SLC1A2: variants seen among roughly 807,000 people sequenced by gnomAD.
SLC1A2 encodes excitatory amino acid transporter 2.
A neutral mutation model predicts 48.8 loss-of-function variants in SLC1A2; 15 were observed. The ratio of observed to expected loss-of-function variants is 0.31; its 90% CI spans 0.21 to 0.47. SLC1A2 has a LOEUF of 0.47. Ranked by LOEUF, SLC1A2 falls within the 20% of genes least tolerant of loss-of-function variation. The pLI, the probability that SLC1A2 is intolerant of heterozygous loss-of-function variation, is 0.99. For missense variants in SLC1A2, 502 were observed against 730.5 expected, an observed-to-expected ratio of 0.69 and a Z score of 3.61; for synonymous variants, 279 against 272.6, an observed-to-expected ratio of 1.02 and a Z score of -0.23.
chr11:35,321,475 A>G (rs1852066241), intron 1 of SLC1A2, among the ~76,000 whole-genome samples: 1 of 152,146 alleles, frequency 6.6e-6, no homozygotes, highest in Non-Finnish European at 1.5e-5. Flanking sequence ...TAAATGGAAC[A>G]TACACAATTT....
rs935276395 is a variant in SLC1A2 at position 35,259,781 on chromosome 11, A to G, written c.*1113T>C. Reference sequence around the variant, plus strand: ...CCTATAACTGGTTTTATGTGCTTTGATAGAAGATAACAAAACGCTTTCAAC... The same window carrying G: ...CCTATAACTGGTTTTATGTGCTTTGGTAGAAGATAACAAAACGCTTTCAAC... On this transcript the variant is annotated 3_prime_UTR_variant, in exon 11 of 11. Transcript: ENST00000278379. 1 of 152,192 alleles carries G rather than the reference A, an allele frequency of 6.6e-6. No homozygotes were observed. The highest frequency in any genetic ancestry group is 1.5e-5 in the Non-Finnish European group (1 of 68,034). The allele number at this position is 152,192 out of a possible 1,614,324, so 9.4% of individuals were successfully genotyped here.
chr11:35,284,900 A>G (rs1850762016), intron 8 of SLC1A2, among the ~76,000 whole-genome samples: 1 of 152,210 alleles, frequency 6.6e-6, no homozygotes, highest in Non-Finnish European at 1.5e-5. Flanking sequence ...CATCAGACCC[A>G]AATGAACACT....
chr11:35,312,593 C>T lies in SLC1A2; in HGVS notation c.311-145G>A. ...CCTACTGTAGTCTTCCCTCAATATCCATGAGAGGGTTGGTTCTGGGACTCC... is the reference window on the plus strand; with the variant it reads ...CCTACTGTAGTCTTCCCTCAATATCTATGAGAGGGTTGGTTCTGGGACTCC... On this transcript the variant is annotated intron_variant, in intron 3 of 10. Coordinates refer to ENST00000278379, the MANE Select transcript of SLC1A2 (RefSeq NM_004171.4). The T allele has an allele frequency of 3.0e-6, 3 of 992,016 alleles. 1 individual carries two copies. Among genetic ancestry groups the T allele is most frequent in the Middle Eastern group, 6.6e-4 (2 of 3,032 alleles). The allele number at this position is 992,016 out of a possible 1,614,324, so 61.5% of individuals were successfully genotyped here.
At chr11:35,392,566 C>G (rs1854816061) in intron 1 of SLC1A2, among the ~76,000 whole-genome samples, 1 of 152,248 alleles carries the variant, frequency 6.6e-6, no homozygotes, top group Non-Finnish European at 1.5e-5. Context: ...TATTCATACT[C>G]CATCTTGCCA....
chr11:35,420,062 C>T (rs1855740097), upstream of SLC1A2: 1 of 339,722 alleles, frequency 2.9e-6, no homozygotes, highest in South Asian at 2.3e-5. Flanking sequence ...AATCTCTGGC[C>T]TTCAATTATT....
At chr11:35,403,582 T>C (rs2135277923) in intron 1 of SLC1A2, among the ~76,000 whole-genome samples, 1 of 152,298 alleles carries the variant, frequency 6.6e-6, no homozygotes, top group Non-Finnish European at 1.5e-5. Flanking sequence ...AAATTAAACA[T>C]TTCAAGATGA....
At chr11:35,293,967 T>C (rs1851090584) in intron 6 of SLC1A2, among the ~76,000 whole-genome samples, 1 of 152,204 alleles carries the variant, frequency 6.6e-6, no homozygotes, top group South Asian at 2.1e-4. Flanking sequence ...ATGGAGATGC[T>C]GTGGGGATTA....
At chr11:35,317,764 C>A (rs190716476) in intron 1 of SLC1A2, among the ~76,000 whole-genome samples, 1 of 152,134 alleles carries the variant, frequency 6.6e-6, no homozygotes, top group Admixed American at 6.5e-5. Flanking sequence ...AGAGTTGCCC[C>A]CCGTGGTAAC....
At chr11:35,317,626 C>G in intron 1 of SLC1A2, 110 bp from the exon 2 acceptor site, 1 of 1,321,052 alleles carries the variant, frequency 7.6e-7, no homozygotes. Flanking sequence ...CTGGAACCAT[C>G]TGCAGGAAAA....
rs1244355354 is a variant in SLC1A2, at chr11:35,418,979, G to GC, written c.-14dup. Reference sequence around the variant, plus strand: ...CCGTAGATGCCATGGTCTGGGGAACGCCCCCTCCTCTTCAGCACTATCCGG... The same window carrying GC: ...CCGTAGATGCCATGGTCTGGGGAACGCCCCCCTCCTCTTCAGCACTATCCGG... On this transcript the variant is annotated 5_prime_UTR_variant, in exon 1 of 11. Coordinates refer to ENST00000278379, the MANE Select transcript of SLC1A2 (RefSeq NM_004171.4). The GC allele has an allele frequency of 6.4e-7, 1 of 1,564,694 alleles. No individual in the cohort carries two copies. The highest frequency in any genetic ancestry group is 1.9e-5 in the Admixed American group (1 of 53,736).
At position 35,314,781 on chromosome 11, in the gene SLC1A2, TTTTC is replaced by T. The variant is rs1229088134; in HGVS notation, c.310+238_310+241del. 4.8e-4 allele frequency among the ~76,000 whole-genome samples: 32 copies of T among 66,658 alleles called. No homozygotes were observed. The Middle Eastern group carries it at 0.064, about 133-fold the overall frequency. 43.7% of individuals were successfully genotyped at this position (66,658 alleles called of 152,430 possible). ...TAACATGTGGCTGTGTTTCCTTTTC[TTTTC>T]TTTTTTTTTTTTTCTTTTTTTTGCT... On this transcript the variant is annotated intron_variant, in intron 3 of 10. Transcript: ENST00000278379.
chr11:35,336,303 A>C (rs1852630356), intron 1 of SLC1A2, among the ~76,000 whole-genome samples: 1 of 152,188 alleles, frequency 6.6e-6, no homozygotes, highest in Non-Finnish European at 1.5e-5. Flanking sequence ...CACATCCTGC[A>C]CATGTACCCC....
intron 7 of SLC1A2, among the ~76,000 whole-genome samples, chr11:35,290,212 A>C (rs1018910095): frequency 3.9e-5 from 6 of 152,196 alleles, no homozygotes; most frequent in African/African-American, 1.4e-4. Flanking sequence ...CTGAAATTCC[A>C]CTTATCCTGA....
chr11:35,384,152 T>A (rs1854517356), intron 1 of SLC1A2, among the ~76,000 whole-genome samples: 1 of 152,236 alleles, frequency 6.6e-6, no homozygotes, highest in Admixed American at 6.5e-5. Flanking sequence ...TAAGTATAGA[T>A]ATCTCATGGA....
chr11:35,322,489 TCCCCAGGGAG>T lies in SLC1A2; in HGVS notation c.18-4983_18-4974del. 3.4e-6 allele frequency: 3 copies of T among 892,564 alleles called. No homozygotes were observed. In the South Asian group the frequency reaches 4.4e-5, roughly 13 times the overall value. The allele number at this position is 892,564 out of a possible 1,614,324, so 55.3% of individuals were successfully genotyped here. A position where few individuals can be genotyped will look rare whatever the true frequency, so the allele number is the denominator to read the frequency against. Reference sequence around the variant, plus strand: ...ATTTGATGAGGTGGCAACAGAACACTCCCCAGGGAGCCTAAAAGCAACTGGTGTGTTTCTC... The same window carrying T: ...ATTTGATGAGGTGGCAACAGAACACTCCTAAAAGCAACTGGTGTGTTTCTC... On this transcript the variant is annotated intron_variant, in intron 1 of 10. Transcript: ENST00000278379.
At chr11:35,371,361 G>A (rs1047036514) in intron 1 of SLC1A2, among the ~76,000 whole-genome samples, 2 of 152,106 alleles carry the variant, frequency 1.3e-5, no homozygotes, top group Admixed American at 6.5e-5. Flanking sequence ...CCTCTCTCAG[G>A]TTTTACTGAT....
chr11:35,404,185 A>T (rs1203822179), intron 1 of SLC1A2: 1 of 152,042 alleles, frequency 6.6e-6, no homozygotes, highest in Admixed American at 6.6e-5. Flanking sequence ...GGCCTTTCCA[A>T]CCCTTTCCAA....
chr11:35,347,846 T>C (rs1853097143), intron 1 of SLC1A2, among the ~76,000 whole-genome samples: 1 of 152,232 alleles, frequency 6.6e-6, no homozygotes. Flanking sequence ...GAGCTGAGTT[T>C]ACAGGTGTGA....
chr11:35,339,638 G>A (rs1157956923), intron 1 of SLC1A2, among the ~76,000 whole-genome samples: 1 of 152,194 alleles, frequency 6.6e-6, no homozygotes, highest in Non-Finnish European at 1.5e-5. Flanking sequence ...ATTTTTTAAT[G>A]ATTTTCAACC....
Sources: gnomAD v4.1 joint callset for allele counts (sites outside exome capture counted in the v4.1 genomes callset) on GRCh38, gnomAD v4.1.1 for gene constraint, MANE v1.5 for transcripts, NCBI Gene and HGNC (gene_info 2026-07-23, HGNC 2026-07-21) for gene names.